Variants in TSKU observed in about 807,000 individuals in gnomAD.
TSKU encodes the protein tsukushi.
A neutral mutation model predicts 11.2 loss-of-function variants in TSKU; 4 were observed. The observed-to-expected ratio is 0.36, with a 90% CI of 0.18 to 0.82. The LOEUF (loss-of-function observed/expected upper bound fraction) is 0.82. Ranked by LOEUF, TSKU falls within the 40% of genes least tolerant of loss-of-function variation. The pLI is 0.50. For synonymous variants in TSKU, 220 were observed against 232.2 expected (o/e 0.95, Z 0.48); for missense variants, 407 against 482.5 (o/e 0.84, Z 1.47).
chr11:76,783,899 G>T (rs1004997166), intron 1 of TSKU, among the ~76,000 whole-genome samples: 5 of 151,880 alleles, frequency 3.3e-5, no homozygotes, highest in Non-Finnish European at 7.4e-5. Context: ...GCCCAACGCC[G>T]CCCCACCCCC....
chr11:76,794,277 A>G (rs1277948098), intron 1 of TSKU, among the ~76,000 whole-genome samples: 1 of 152,220 alleles, frequency 6.6e-6, no homozygotes, highest in Non-Finnish European at 1.5e-5. Flanking sequence ...ACAGGCTTTG[A>G]ATCCAACAGC....
chr11:76,796,731 G>C lies in TSKU; in HGVS notation c.*53G>C. On this transcript the variant is annotated 3_prime_UTR_variant, in exon 2 of 2. Transcript: ENST00000333090. This position sits in a 1 kb window ranked among gnomAD's most constrained non-coding sequence, Gnocchi z 4.1. ...CAGACTGCTGTCCTGGGCTGCCTCA[G>C]GTCCCGAGTAACTTATGTTCAATGT... 1 of 1,355,832 alleles carries C rather than the reference G, an allele frequency of 7.4e-7. No individual in the cohort carries two copies. The highest frequency in any genetic ancestry group is 9.7e-7 in the Non-Finnish European group (1 of 1,025,660). 84.0% of individuals were successfully genotyped at this position (1,355,832 alleles called of 1,614,324 possible).
chr11:76,796,320 C>T lies in TSKU; in HGVS notation c.704C>T (p.Ser235Phe), dbSNP rs751895283. 1.9e-6 allele frequency: 3 copies of T among 1,613,202 alleles called. No homozygotes were observed. The highest frequency in any genetic ancestry group is 1.1e-5 in the South Asian group (1 of 91,082). The change falls in exon 2 of 2, where the codon TCT (serine) becomes TTT (phenylalanine). Residue 235 changes from serine (S) to phenylalanine (F), a missense_variant. Coordinates refer to ENST00000333090, the MANE Select transcript of TSKU (RefSeq NM_015516.4). The surrounding 1 kb of genome is among the most constrained non-coding windows in gnomAD (Gnocchi z 4.1). Reference sequence around the variant, plus strand: ...GGGCTGGGAGGCCTTACACACCTGTCTCTGGCCAGCCTGCAGAGGCTCCCT... The same window carrying T: ...GGGCTGGGAGGCCTTACACACCTGTTTCTGGCCAGCCTGCAGAGGCTCCCT... ...FAGLGGLTHL[S>F]LASLQRLPEL...
chr11:76,784,240 C>G (rs1302238895), intron 1 of TSKU: 1 of 152,392 alleles, frequency 6.6e-6, no homozygotes, highest in South Asian at 2.1e-4. Flanking sequence ...GCGTTGCCCT[C>G]CCCGCGCTTC....
At position 76,796,972 on chromosome 11, in the gene TSKU, T is replaced by G; in HGVS notation, c.*294T>G. On this transcript the variant is annotated 3_prime_UTR_variant, in exon 2 of 2. Coordinates refer to ENST00000333090, the MANE Select transcript of TSKU (RefSeq NM_015516.4). This position sits in a 1 kb window ranked among gnomAD's most constrained non-coding sequence, Gnocchi z 4.1. ...TTCCCCACTTATCCCCCAAGTGCCT[T>G]CCCTCATGCCTGGGCCGGCCTGACC... 22 of 231,172 alleles carry G rather than the reference T, an allele frequency of 9.5e-5. No individual in the cohort carries two copies. The highest frequency in any genetic ancestry group is 1.9e-4 in the East Asian group (2 of 10,682). 14.3% of individuals were successfully genotyped at this position (231,172 alleles called of 1,614,324 possible). A position where few individuals can be genotyped will look rare whatever the true frequency, so the allele number is the denominator to read the frequency against.
intron 1 of TSKU, 43 bp downstream of exon 1, chr11:76,783,447 T>C (rs983644833): frequency 2.0e-5 from 3 of 151,940 alleles, no homozygotes; most frequent in Admixed American, 6.5e-5. Context: ...CGCGCTGCGG[T>C]TGAAGATCCC....
Position 76,795,773 on chromosome 11 carries a change from C to G in TSKU, c.157C>G (p.Pro53Ala). 6.2e-7 allele frequency: 1 copy of G among 1,614,168 alleles called. No individual in the cohort carries two copies. The highest frequency in any genetic ancestry group is 8.5e-7 in the Non-Finnish European group (1 of 1,180,034). The change falls in exon 2 of 2, where the codon CCG becomes GCG. Residue 53 changes from proline (P) to alanine (A), a missense_variant. Transcript: ENST00000333090. ...TAGCGGCCTGGGCCCCCACATCATG[C>G]CGGTGCCCATCCCTCTGGACACAGC... ...DCSGLGPHIM[P>A]VPIPLDTAHL...
intron 1 of TSKU, chr11:76,792,625 A>T (rs1294680954): frequency 6.6e-6 from 1 of 152,300 alleles, no homozygotes; most frequent in Non-Finnish European, 1.5e-5. Context: ...TATTCTCGTG[A>T]TAGTGAATAA....
At chr11:76,782,639 C>T (rs909847884), upstream of TSKU, 4 of 151,530 alleles carry the variant, frequency 2.6e-5, no homozygotes, top group African/African-American at 9.7e-5. Context: ...AAACTGCTGC[C>T]TACTCACACG....
At position 76,796,778 on chromosome 11, in the gene TSKU, G is replaced by A. The variant is rs1170258607; in HGVS notation, c.*100G>A. The A allele has an allele frequency of 1.4e-5, 13 of 951,908 alleles. No homozygotes were observed. The South Asian group carries it at 2.2e-4, about 16-fold the overall frequency. The allele number at this position is 951,908 out of a possible 1,614,324, so 59.0% of individuals were successfully genotyped here. A position where few individuals can be genotyped will look rare whatever the true frequency, so the allele number is the denominator to read the frequency against. On this transcript the variant is annotated 3_prime_UTR_variant, in exon 2 of 2. Coordinates refer to ENST00000333090, the MANE Select transcript of TSKU (RefSeq NM_015516.4). This position sits in a 1 kb window ranked among gnomAD's most constrained non-coding sequence, Gnocchi z 4.1. ...ATGTGCCAACACCAGTGGGGAGCCCGCAGGCCTATGTGGCAGCGTCACCAC... is the reference window on the plus strand; with the variant it reads ...ATGTGCCAACACCAGTGGGGAGCCCACAGGCCTATGTGGCAGCGTCACCAC...
intron 1 of TSKU, among the ~76,000 whole-genome samples, chr11:76,794,837 C>T (rs1474858358): frequency 1.3e-5 from 2 of 152,132 alleles, no homozygotes; most frequent in African/African-American, 4.8e-5. Flanking sequence ...AGTATGGGTG[C>T]GGTGGGGCAG....
intron 1 of TSKU, chr11:76,791,915 T>A (rs2134397237): frequency 6.6e-6 from 1 of 152,024 alleles, no homozygotes; most frequent in East Asian, 1.9e-4. Flanking sequence ...TGGAGTAGAG[T>A]CCCTACTGGG....
chr11:76,785,218 C>T (rs911864592), intron 1 of TSKU, among the ~76,000 whole-genome samples: 1 of 152,212 alleles, frequency 6.6e-6, no homozygotes, highest in Non-Finnish European at 1.5e-5. Context: ...GACCTTTTCT[C>T]CTCTTACTTT....
At chr11:76,783,981 C>G (rs1050082635) in intron 1 of TSKU, among the ~76,000 whole-genome samples, 4 of 152,182 alleles carry the variant, frequency 2.6e-5, no homozygotes, top group Non-Finnish European at 5.9e-5. Flanking sequence ...GGGCAACAGC[C>G]CCAGTCCTCC....
intron 1 of TSKU, among the ~76,000 whole-genome samples, chr11:76,785,790 G>A (rs1944306013): frequency 6.6e-6 from 1 of 152,132 alleles, no homozygotes; most frequent in African/African-American, 2.4e-5. Context: ...CTTGTGGGTG[G>A]TGCTGGAGGC....
At chr11:76,784,546 C>T (rs1384393619) in intron 1 of TSKU, among the ~76,000 whole-genome samples, 2 of 152,174 alleles carry the variant, frequency 1.3e-5, no homozygotes, top group Non-Finnish European at 2.9e-5. Context: ...GTCACTCTGG[C>T]ACGGACAGGG....
Position 76,796,183 on chromosome 11 carries a change from G to A in TSKU, c.567G>A (p.Leu189=), listed in dbSNP as rs1244801658. The A allele has an allele frequency of 1.9e-6, 3 of 1,613,606 alleles. No individual in the cohort carries two copies. Among genetic ancestry groups the A allele is most frequent in the Non-Finnish European group, 2.5e-6 (3 of 1,180,000 alleles). The change falls in exon 2 of 2, where the codon CTG becomes CTA. Residue 189 remains leucine (L), a synonymous_variant. Transcript: ENST00000333090. The surrounding 1 kb of genome is among the most constrained non-coding windows in gnomAD (Gnocchi z 4.1). ...TGCCTGCGCCCACCATTCAGAGCCT[G>A]AACCTGGCCTGGAACCGGCTCCATG... ...AGLPAPTIQS[L]NLAWNRLHAV...
Position 76,784,710 on chromosome 11 carries a change from A to T in TSKU, c.-9+1306A>T, listed in dbSNP as rs574117883. On this transcript the variant is annotated intron_variant, in intron 1 of 1. Transcript: ENST00000333090. ...TCTTTGTGCGCCCTGCCCTTCGGAT[A>T]AGTCTAGACTTGCAGTGCCTGGGGC... 1.9e-3 allele frequency among the ~76,000 whole-genome samples: 255 copies of T among 134,430 alleles called. 2 individuals carry two copies. The highest frequency in any genetic ancestry group is 7.4e-3 in the African/African-American group (245 of 33,242). The allele number at this position is 134,430 out of a possible 152,430, so 88.2% of individuals were successfully genotyped here. A position where few individuals can be genotyped will look rare whatever the true frequency, so the allele number is the denominator to read the frequency against.
chr11:76,784,120 G>C (rs1944278394), intron 1 of TSKU: 1 of 152,762 alleles, frequency 6.5e-6, no homozygotes, highest in Non-Finnish European at 1.5e-5. Context: ...CTGGGCAGGG[G>C]CTGGGCGGAG....
Sources: allele counts gnomAD v4.1 joint callset (sites outside exome capture counted in the v4.1 genomes callset), GRCh38; gene constraint gnomAD v4.1.1; non-coding constraint Gnocchi (gnomAD v3.1); transcripts MANE v1.5; gene names NCBI Gene and HGNC (gene_info 2026-07-23, HGNC 2026-07-21).